TMEM132D: variants seen among roughly 807,000 people sequenced by gnomAD.
The protein encoded by TMEM132D is transmembrane protein 132D, also known as mature OL transmembrane protein.
A neutral mutation model predicts 62.3 loss-of-function variants in TMEM132D; 21 were observed. The observed-to-expected ratio is 0.34, with a 90% CI of 0.24 to 0.49. The LOEUF (loss-of-function observed/expected upper bound fraction) is 0.49, where lower values mean the gene tolerates loss of function less well. Among genes scored for constraint, TMEM132D ranks in the 20% least tolerant of loss-of-function variants. The probability of loss-of-function intolerance (pLI) is 0.99; values close to 1 mark genes in which losing one functional copy is unlikely to be tolerated. For missense variants in TMEM132D, 1,346 were observed against 1,402.8 expected (o/e 0.96, Z 0.65); for synonymous variants, 621 against 575.6 (o/e 1.08, Z -1.13).
At chr12:129,082,213 A>G (rs987248080) in intron 6 of TMEM132D, among the ~76,000 whole-genome samples, 181 bp from the exon 7 acceptor site, 21 of 152,112 alleles carry the variant, frequency 1.4e-4, no homozygotes, top group Non-Finnish European at 7.4e-5. Context: ...GCACTGACCC[A>G]TCAGCATGGC....
intron 3 of TMEM132D, among the ~76,000 whole-genome samples, chr12:129,525,226 G>GAT (rs1336461549): frequency 1.5e-5 from 1 of 67,392 alleles, no homozygotes; most frequent in African/African-American, 5.1e-5. Flanking sequence ...TGCCCAGCCG[G>GAT]TTTTTTTTTT....
chr12:129,570,403 C>T (rs551536420), intron 2 of TMEM132D, among the ~76,000 whole-genome samples: 4 of 152,148 alleles, frequency 2.6e-5, no homozygotes, highest in South Asian at 4.2e-4. Context: ...CAAGGATTCG[C>T]GTGCAGAAAG....
chr12:129,552,499 T>G lies in TMEM132D; in HGVS notation c.969-21294A>C, dbSNP rs146900508. ...TCTATTATCTCTCTACATTATCATCTATTATCTGTCATCTACCCATCTACC... is the reference window on the plus strand; with the variant it reads ...TCTATTATCTCTCTACATTATCATCGATTATCTGTCATCTACCCATCTACC... On this transcript the variant is annotated intron_variant, in intron 2 of 8. Coordinates refer to ENST00000422113, the MANE Select transcript of TMEM132D (RefSeq NM_133448.3). Among the ~76,000 whole-genome samples the G allele has an allele frequency of 4.8e-3, 730 of 152,222 alleles. 15 individuals are homozygous for G. In the South Asian group the frequency reaches 0.056, roughly 12 times the overall value.
intron 4 of TMEM132D, among the ~76,000 whole-genome samples, chr12:129,227,260 T>G (rs1879504484): frequency 6.8e-6 from 1 of 146,400 alleles, no homozygotes; most frequent in Non-Finnish European, 1.5e-5. Flanking sequence ...TAACTTCCTT[T>G]GATCCACTAA....
At chr12:129,299,999 T>C (rs1881671150) in intron 4 of TMEM132D, among the ~76,000 whole-genome samples, 1 of 152,226 alleles carries the variant, frequency 6.6e-6, no homozygotes, top group Non-Finnish European at 1.5e-5. Flanking sequence ...AAAGGTTGAT[T>C]TCTTTTAAAG....
chr12:129,407,769 G>A (rs1871836750), intron 3 of TMEM132D, among the ~76,000 whole-genome samples: 1 of 151,900 alleles, frequency 6.6e-6, no homozygotes, highest in Non-Finnish European at 1.5e-5. Flanking sequence ...GGGTGTGGTG[G>A]CGGGTGCCTG....
intron 2 of TMEM132D, among the ~76,000 whole-genome samples, chr12:129,566,430 A>G (rs1046919383): frequency 6.7e-6 from 1 of 148,696 alleles, no homozygotes; most frequent in Non-Finnish European, 1.5e-5. Flanking sequence ...TCAGGCCATT[A>G]TAAAAAGAGG....
At chr12:129,095,770 A>G (rs1390463405) in intron 5 of TMEM132D, among the ~76,000 whole-genome samples, 1 of 152,178 alleles carries the variant, frequency 6.6e-6, no homozygotes, top group African/African-American at 2.4e-5. Flanking sequence ...CCCCCAGGCC[A>G]GGGAGAAACC....
chr12:129,498,116 T>C (rs893745669), intron 3 of TMEM132D, among the ~76,000 whole-genome samples: 1 of 152,112 alleles, frequency 6.6e-6, no homozygotes, highest in African/African-American at 2.4e-5. Context: ...ACCCAGAGAG[T>C]AAACAGTACA....
intron 1 of TMEM132D, among the ~76,000 whole-genome samples, chr12:129,727,040 T>A (rs1869060333): frequency 6.6e-6 from 1 of 152,228 alleles, no homozygotes; most frequent in Admixed American, 6.5e-5. Flanking sequence ...TTTTTAAAAA[T>A]TCCCAGATGA....
intron 3 of TMEM132D, among the ~76,000 whole-genome samples, chr12:129,479,682 G>C (rs1874377198): frequency 6.6e-6 from 1 of 152,264 alleles, no homozygotes; most frequent in Non-Finnish European, 1.5e-5. Context: ...GTGAGGGTCT[G>C]AAGAACGCTG....
In TMEM132D at chr12:129,700,220, C is replaced by G. The variant is rs1881351031; in HGVS notation, c.558G>C (p.Gln186His). The change falls in exon 2 of 9, where the codon CAG (glutamine) becomes CAC (histidine). Residue 186 changes from glutamine to histidine, a missense_variant. Gln to His is a conservative substitution (Grantham distance 24). Coordinates refer to ENST00000422113, the MANE Select transcript of TMEM132D (RefSeq NM_133448.3). ...CGGCCACGCACAGCCCCAGGTCCCC[C>G]TGCAGCCGGCAGCTGCCCCGCACCT... ...TREVRGSCRL[Q>H]GDLGLCVAEL... 1.2e-6 allele frequency: 2 copies of G among 1,612,922 alleles called. No homozygotes were observed. The highest frequency in any genetic ancestry group is 3.3e-5 in the Admixed American group (2 of 60,014).
chr12:129,404,971 T>C (rs757575121), intron 3 of TMEM132D, among the ~76,000 whole-genome samples: 1 of 152,198 alleles, frequency 6.6e-6, no homozygotes, highest in Non-Finnish European at 1.5e-5. Flanking sequence ...CATAGGGCTA[T>C]AAGATAAACT....
intron 5 of TMEM132D, among the ~76,000 whole-genome samples, chr12:129,132,557 T>C (rs1465385540): frequency 1.3e-5 from 2 of 152,198 alleles, no homozygotes; most frequent in Non-Finnish European, 2.9e-5. Flanking sequence ...AAGGTATTTG[T>C]TTTAAAGCTA....
In TMEM132D at chr12:129,245,053, T is replaced by C. The variant is rs149554675; in HGVS notation, c.1300-35390A>G. On this transcript the variant is annotated intron_variant, in intron 4 of 8. Coordinates refer to ENST00000422113, the MANE Select transcript of TMEM132D (RefSeq NM_133448.3). ...AATGCTTATTTTACAGAAAAATCAATCCTGATATATTACTAATAACTAGAG... is the reference window on the plus strand; with the variant it reads ...AATGCTTATTTTACAGAAAAATCAACCCTGATATATTACTAATAACTAGAG... 5.9e-3 allele frequency among the ~76,000 whole-genome samples: 892 copies of C among 152,326 alleles called. 12 individuals are homozygous for C. Among genetic ancestry groups the C allele is most frequent in the African/African-American group, 0.02 (836 of 41,574 alleles).
At chr12:129,166,194 G>A (rs1877540056) in intron 5 of TMEM132D, among the ~76,000 whole-genome samples, 4 of 152,176 alleles carry the variant, frequency 2.6e-5, no homozygotes. Context: ...AATAAGTAAC[G>A]TGGGCTCTAT....
In TMEM132D at chr12:129,112,713, G is replaced by A. The variant is rs1875758347; in HGVS notation, c.1444-28011C>T. On this transcript the variant is annotated intron_variant, in intron 5 of 8. Coordinates refer to ENST00000422113, the MANE Select transcript of TMEM132D (RefSeq NM_133448.3). ...AAGATTTACTTCCTCTGTTGCACCA[G>A]CTACACTAGGAGACTAGGAGTGCTC... 2.0e-5 allele frequency among the ~76,000 whole-genome samples: 3 copies of A among 152,228 alleles called. No individual in the cohort carries two copies. The South Asian group carries it at 6.2e-4, about 31-fold the overall frequency.
intron 2 of TMEM132D, among the ~76,000 whole-genome samples, chr12:129,687,382 T>C (rs1880957777): frequency 6.6e-6 from 1 of 151,964 alleles, no homozygotes; most frequent in African/African-American, 2.4e-5. Flanking sequence ...GCAGTGAACA[T>C]CTGTCATGTT....
At chr12:129,431,652 A>G (rs2135716401) in intron 3 of TMEM132D, among the ~76,000 whole-genome samples, 1 of 152,296 alleles carries the variant, frequency 6.6e-6, no homozygotes. Context: ...TGAGCCCAGC[A>G]ATTTACCGTT....
Sources: allele counts gnomAD v4.1 joint callset (sites outside exome capture counted in the v4.1 genomes callset), GRCh38; gene constraint gnomAD v4.1.1; transcripts MANE v1.5; gene names NCBI Gene and HGNC (gene_info 2026-07-23, HGNC 2026-07-21).